Variants in KCNIP4 observed in about 807,000 individuals in gnomAD.
KCNIP4 encodes the protein Kv channel-interacting protein 4.
A neutral mutation model predicts 34.0 loss-of-function variants in KCNIP4; 12 were observed. That is an observed-to-expected ratio of 0.35 (90% CI 0.23 to 0.57). The LOEUF (loss-of-function observed/expected upper bound fraction) is 0.57. Among genes scored for constraint, KCNIP4 ranks in the 20% least tolerant of loss-of-function variants. The probability of loss-of-function intolerance (pLI) is 0.83; values close to 1 mark genes in which losing one functional copy is unlikely to be tolerated. For missense variants in KCNIP4, 238 were observed against 311.7 expected (o/e 0.76, Z 1.78); for synonymous variants, 124 against 102.2 (o/e 1.21, Z -1.29).
intron 1 of KCNIP4, among the ~76,000 whole-genome samples, chr4:20,905,509 C>CTTTCTTTTTTTTTTTTTTTTTTT (rs71655610): frequency 2.7e-5 from 2 of 72,804 alleles, no homozygotes; most frequent in Non-Finnish European, 5.5e-5. Context: ...CGTTTTCTTT[C>CTTTCTTTTTTTTTTTTTTTTTTT]TTTTTTTTTT....
At chr4:21,414,078 G>T (rs1724741140) in intron 1 of KCNIP4, among the ~76,000 whole-genome samples, 1 of 152,086 alleles carries the variant, frequency 6.6e-6, no homozygotes, top group South Asian at 2.1e-4. Flanking sequence ...TTCTAGCAGA[G>T]GAAGTTATAA....
At chr4:21,604,436 G>T (rs1320988429) in intron 1 of KCNIP4, among the ~76,000 whole-genome samples, 3 of 152,156 alleles carry the variant, frequency 2.0e-5, no homozygotes, top group Non-Finnish European at 4.4e-5. Context: ...ACCTAGGGTT[G>T]TGTGATTTCA....
intron 1 of KCNIP4, among the ~76,000 whole-genome samples, chr4:21,555,283 T>A (rs1738919789): frequency 6.6e-6 from 1 of 152,148 alleles, no homozygotes; most frequent in Non-Finnish European, 1.5e-5. Flanking sequence ...GTAACTGTGA[T>A]GTACTGAGTT....
rs369100098 is a variant in KCNIP4 at position 21,238,682 on chromosome 4, A to T, written c.62-355973T>A. ...AATCCAACTTACAAGGGATGTGAAG[A>T]ACCTCTTCAAGGAGAACTACAAACC... On this transcript the variant is annotated intron_variant, in intron 1 of 8. Coordinates refer to ENST00000382152, the MANE Select transcript of KCNIP4 (RefSeq NM_025221.6). 2.0e-5 allele frequency among the ~76,000 whole-genome samples: 3 copies of T among 152,146 alleles called. No individual in the cohort carries two copies. The South Asian group carries it at 6.2e-4, about 32-fold the overall frequency.
intron 1 of KCNIP4, among the ~76,000 whole-genome samples, chr4:21,403,241 C>T (rs1388292582): frequency 6.6e-6 from 1 of 152,208 alleles, no homozygotes; most frequent in African/African-American, 2.4e-5. Flanking sequence ...TGGAAGGCCC[C>T]AAGGGCTGTC....
intron 1 of KCNIP4, among the ~76,000 whole-genome samples, chr4:21,613,136 T>G (rs2109151920): frequency 6.6e-6 from 1 of 152,278 alleles, no homozygotes; most frequent in East Asian, 1.9e-4. Flanking sequence ...GTGTATTCAT[T>G]ATGGTATACT....
intron 1 of KCNIP4, among the ~76,000 whole-genome samples, chr4:21,380,900 G>C (rs1721449552): frequency 6.6e-6 from 1 of 151,992 alleles, no homozygotes; most frequent in African/African-American, 2.4e-5. Flanking sequence ...TCACAACAAA[G>C]GGAGAGGCAC....
intron 1 of KCNIP4, among the ~76,000 whole-genome samples, chr4:21,775,397 G>A (rs1248727144): frequency 1.3e-5 from 2 of 152,166 alleles, no homozygotes; most frequent in Admixed American, 1.3e-4. Flanking sequence ...GATTGTTCCT[G>A]TATAGGGTAT....
chr4:21,062,891 T>G (rs1744050666), intron 1 of KCNIP4, among the ~76,000 whole-genome samples: 1 of 152,158 alleles, frequency 6.6e-6, no homozygotes, highest in African/African-American at 2.4e-5. Context: ...GATGATCTGT[T>G]TTGCTCAGCC....
At chr4:20,841,946 G>C (rs989727174) in intron 3 of KCNIP4, among the ~76,000 whole-genome samples, 4 of 151,908 alleles carry the variant, frequency 2.6e-5, no homozygotes, top group African/African-American at 9.7e-5. Context: ...TCTTGACATT[G>C]CAGATACAAT....
intron 3 of KCNIP4, among the ~76,000 whole-genome samples, chr4:20,824,468 T>C (rs1578706723): frequency 6.6e-6 from 1 of 152,114 alleles, no homozygotes; most frequent in African/African-American, 2.4e-5. Context: ...GATTATGAGG[T>C]CGAGAAATCA....
At chr4:20,837,778 T>C (rs1019811758) in intron 3 of KCNIP4, among the ~76,000 whole-genome samples, 1 of 150,838 alleles carries the variant, frequency 6.6e-6, no homozygotes, top group Admixed American at 6.6e-5. Flanking sequence ...GCCTCCCAGG[T>C]TCAAGCAATT....
intron 1 of KCNIP4, among the ~76,000 whole-genome samples, chr4:21,588,607 T>C (rs866088384): frequency 2.0e-5 from 3 of 151,982 alleles, no homozygotes; most frequent in South Asian, 2.1e-4. Flanking sequence ...TCTTTACTTA[T>C]AGGGAGCTGT....
At chr4:21,189,903 C>A (rs1484372604) in intron 1 of KCNIP4, among the ~76,000 whole-genome samples, 2 of 152,178 alleles carry the variant, frequency 1.3e-5, no homozygotes, top group Admixed American at 6.5e-5. Flanking sequence ...AAAACATGTT[C>A]ATCATCAAAC....
intron 1 of KCNIP4, among the ~76,000 whole-genome samples, chr4:21,402,628 A>G (rs1003345101): frequency 6.6e-6 from 1 of 152,124 alleles, no homozygotes; most frequent in Non-Finnish European, 1.5e-5. Flanking sequence ...CAGCTCTGCA[A>G]TGAAACCTTC....
At chr4:20,784,247 G>A (rs145137139) in intron 3 of KCNIP4, among the ~76,000 whole-genome samples, 2,251 of 152,180 alleles carry the variant, frequency 0.015, 50 homozygotes, top group African/African-American at 0.051. Context: ...GGCACATCAC[G>A]TTCAAGTGCC....
chr4:21,519,740 G>GTGTAT (rs556963421), intron 1 of KCNIP4, among the ~76,000 whole-genome samples: 5 of 110,236 alleles, frequency 4.5e-5, no homozygotes, highest in Admixed American at 1.9e-4. Context: ...GTATATGTAT[G>GTGTAT]ATACACACGT....
Position 21,745,566 on chromosome 4 carries a change from T to C in KCNIP4, c.61+203005A>G, listed in dbSNP as rs76839450. Among the ~76,000 whole-genome samples the C allele has an allele frequency of 4.9e-4, 74 of 152,224 alleles. 1 individual carries two copies. In the East Asian group the frequency reaches 0.014, roughly 29 times the overall value. On this transcript the variant is annotated intron_variant, in intron 1 of 8. Transcript: ENST00000382152. ...TTCACCTACTTTTGTGAGTCTGTACTCTCAAACTTGGAAAATAGTTATATT... is the reference window on the plus strand; with the variant it reads ...TTCACCTACTTTTGTGAGTCTGTACCCTCAAACTTGGAAAATAGTTATATT...
rs534894899 is a variant in KCNIP4, at chr4:21,320,699, G to A, written c.62-437990C>T. On this transcript the variant is annotated intron_variant, in intron 1 of 8. Coordinates refer to ENST00000382152, the MANE Select transcript of KCNIP4 (RefSeq NM_025221.6). ...CAGTATTGATTCCTAGGCCGGAAGC[G>A]GTGGCTCATGCCTGTAATCTCAGCA... 2.6e-5 allele frequency among the ~76,000 whole-genome samples: 4 copies of A among 152,120 alleles called. No homozygotes were observed. The East Asian group carries it at 5.8e-4, about 22-fold the overall frequency.
Sources: allele counts gnomAD v4.1 joint callset (sites outside exome capture counted in the v4.1 genomes callset), GRCh38; gene constraint gnomAD v4.1.1; transcripts MANE v1.5; gene names NCBI Gene and HGNC (gene_info 2026-07-23, HGNC 2026-07-21).